The following CARD14 variants were observed in gnomAD, a reference collection of about 807,000 sequenced individuals.
CARD14 encodes the protein caspase recruitment domain-containing protein 14.
A neutral mutation model predicts 111.5 loss-of-function variants in CARD14; 107 were observed. The ratio of observed to expected loss-of-function variants is 0.96; its 90% CI spans 0.82 to 1.13. The LOEUF (loss-of-function observed/expected upper bound fraction) is 1.13, where lower values mean the gene tolerates loss of function less well. CARD14 is among the 50% of genes most tolerant of loss of function. CARD14 has a pLI of 0.00. For synonymous variants in CARD14, 617 were observed against 579.6 expected, an observed-to-expected ratio of 1.06 and a Z score of -0.93; for missense variants, 1,322 against 1,362.3, an observed-to-expected ratio of 0.97 and a Z score of 0.47.
Position 80,206,723 on chromosome 17 carries a change from C to T in CARD14, c.2692-247C>T, listed in dbSNP as rs549712569. ...CAGAGCTTGCAGTGAGCCGAGATCG[C>T]GCCACTGCACTCCAGCCTGGGCGAC... On this transcript the variant is annotated intron_variant, in intron 22 of 23. Transcript: ENST00000648509. 1.2e-4 allele frequency: 26 copies of T among 221,638 alleles called. No individual in the cohort carries two copies. In the South Asian group the frequency reaches 2.3e-3, roughly 19 times the overall value. 13.7% of individuals were successfully genotyped at this position (221,638 alleles called of 1,614,324 possible). A position where few individuals can be genotyped will look rare whatever the true frequency, so the allele number is the denominator to read the frequency against.
At chr17:80,179,530 C>T (rs913881271) in intron 4 of CARD14, among the ~76,000 whole-genome samples, 17 of 152,198 alleles carry the variant, frequency 1.1e-4, no homozygotes, top group African/African-American at 4.1e-4. Context: ...TACACACTTC[C>T]ATTTGTAGGA....
At position 80,201,690 on chromosome 17, in the gene CARD14, G is replaced by A. The variant is rs2040983239; in HGVS notation, c.1852-54G>A. ...GTGCCCTCAGCGCCTTCTGTCTTCT[G>A]GCTGGATTCAGAGTCCCGGGGGAAA... On this transcript the variant is annotated intron_variant, in intron 16 of 23. Coordinates refer to ENST00000648509, the MANE Select transcript of CARD14 (RefSeq NM_001366385.1). This position sits in a 1 kb window ranked among gnomAD's most constrained non-coding sequence, Gnocchi z 5.0. The A allele has an allele frequency of 1.9e-6, 3 of 1,608,570 alleles. No homozygotes were observed. Among genetic ancestry groups the A allele is most frequent in the Middle Eastern group, 3.3e-4 (2 of 6,052 alleles).
chr17:80,182,718 A>T lies in CARD14; in HGVS notation c.277A>T (p.Lys93Ter), dbSNP rs778027398. 1 of 1,613,888 alleles carries T rather than the reference A, an allele frequency of 6.2e-7. No individual in the cohort carries two copies. The highest frequency in any genetic ancestry group is 1.3e-5 in the African/African-American group (1 of 74,870). Residue 93 changes from lysine (K) to a stop codon, truncating the protein, a stop_gained, in exon 6 of 24, where the codon AAG becomes TAG. Coordinates refer to ENST00000648509, the MANE Select transcript of CARD14 (RefSeq NM_001366385.1). LOFTEE classifies it high-confidence loss of function. The surrounding 1 kb of genome is among the most constrained non-coding windows in gnomAD (Gnocchi z 4.7). Reference sequence around the variant, plus strand: ...GGCCATCGCCTTCCTGGAGAGCCTGAAGTTCCACAACCCTGACGTCTACAC... The same window carrying T: ...GGCCATCGCCTTCCTGGAGAGCCTGTAGTTCCACAACCCTGACGTCTACAC... ...NGAIAFLESLKFHNPDVYTLV... is the reference protein window; with the variant it reads ...NGAIAFLESL
chr17:80,204,755 C>T (rs1252452629), intron 20 of CARD14: 6 of 438,602 alleles, frequency 1.4e-5, no homozygotes, highest in South Asian at 1.1e-4. Context: ...CCCTGGCTTC[C>T]GCCATCCTCC....
chr17:80,172,166 T>C (rs1309307689), intron 1 of CARD14, among the ~76,000 whole-genome samples: 3 of 152,230 alleles, frequency 2.0e-5, no homozygotes, highest in Non-Finnish European at 4.4e-5. Context: ...TTTTCAGTCA[T>C]TGGCTCTTTG....
rs369963587 is a variant in CARD14, at chr17:80,207,119, G to A, written c.2807+34G>A. 1.8e-4 allele frequency: 269 copies of A among 1,519,550 alleles called. No homozygotes were observed. In the East Asian group the frequency reaches 3.6e-3, roughly 20 times the overall value. The allele number at this position is 1,519,550 out of a possible 1,614,324, so 94.1% of individuals were successfully genotyped here. On this transcript the variant is annotated intron_variant, in intron 23 of 23. Coordinates refer to ENST00000648509, the MANE Select transcript of CARD14 (RefSeq NM_001366385.1). ...ACGCTGGGGGCTGGGCAGGGGCTTC[G>A]AAGCGGCTCCTGGGCTCCCCCAAAG...
At chr17:80,205,347 T>A in intron 21 of CARD14, 142 bp downstream of exon 21, 1 of 1,139,290 alleles carries the variant, frequency 8.8e-7, no homozygotes, top group Non-Finnish European at 1.2e-6. Context: ...TGTGTCCAGA[T>A]AGTTCAGGAT....
In CARD14 at chr17:80,208,315, G is replaced by C; in HGVS notation, c.2985G>C (p.Lys995Asn). ...VRQAIADEQK[K>N]VVWTEQSPR The stretch of plus-strand genomic sequence containing the variant: ...AGGCCATCGCCGACGAGCAGAAGAA[G>C]GTGGTGTGGACGGAGCAGAGCCCCC... The change falls in exon 24 of 24, where the codon AAG (lysine) becomes AAC (asparagine). Residue 995 changes from lysine to asparagine, a missense_variant. Coordinates refer to ENST00000648509, the MANE Select transcript of CARD14 (RefSeq NM_001366385.1). 4 of 1,605,982 alleles carry C rather than the reference G, an allele frequency of 2.5e-6. No individual in the cohort carries two copies. The highest frequency in any genetic ancestry group is 8.5e-7 in the Non-Finnish European group (1 of 1,177,310).
intron 11 of CARD14, 86 bp from the exon 12 acceptor site, chr17:80,192,417 G>A (rs1052370260): frequency 1.1e-6 from 1 of 903,844 alleles, no homozygotes; most frequent in Non-Finnish European, 1.8e-6. Context: ...GGGTGAAATG[G>A]GTGGTGCTGA....
chr17:80,199,082 T>C (rs2040835522), intron 16 of CARD14, among the ~76,000 whole-genome samples: 1 of 152,158 alleles, frequency 6.6e-6, no homozygotes, highest in Admixed American at 6.5e-5. Flanking sequence ...CTTAAGTAGC[T>C]GGGACCAGAC....
rs770649176 is a variant in CARD14 at position 80,192,483 on chromosome 17, G to A, written c.1240-20G>A. 4 of 1,601,562 alleles carry A rather than the reference G, an allele frequency of 2.5e-6. No homozygotes were observed. Among genetic ancestry groups the A allele is most frequent in the Admixed American group, 3.3e-5 (2 of 59,868 alleles). On this transcript the variant is annotated intron_variant, in intron 11 of 23. Transcript: ENST00000648509. ...GAACCTTTCCCGAATTAACCAGCCT[G>A]TCTGGCCTGTCTTTGGCAGCTCAAG...
rs763688150 is a variant in CARD14 at position 80,208,365 on chromosome 17, G to C, written c.*20G>C. On this transcript the variant is annotated 3_prime_UTR_variant, in exon 24 of 24. Coordinates refer to ENST00000648509, the MANE Select transcript of CARD14 (RefSeq NM_001366385.1). ...CGATGATGCACCGTGCCCCTTCCCG[G>C]GACTGTGGGGGCTTCTGTGTGCCTG... The C allele has an allele frequency of 6.4e-7, 1 of 1,555,380 alleles. No homozygotes were observed. Among genetic ancestry groups the C allele is most frequent in the Non-Finnish European group, 8.7e-7 (1 of 1,145,160 alleles).
intron 14 of CARD14, chr17:80,196,100 A>G (rs2018229): frequency 0.41 from 64,144 of 157,666 alleles, 13,286 homozygotes; most frequent in African/African-American, 0.47. Context: ...CTTCTCCTGT[A>G]GCTCATTTCT....
intron 11 of CARD14, 147 bp from the exon 12 acceptor site, chr17:80,192,356 C>G (rs932091148): frequency 1.6e-6 from 1 of 643,952 alleles, no homozygotes; most frequent in African/African-American, 1.8e-5. Context: ...GCTCGGAGGA[C>G]AGGGACACAA....
At position 80,189,131 on chromosome 17, in the gene CARD14, T is replaced by A. The variant is rs1488797810; in HGVS notation, c.843+587T>A. Among the ~76,000 whole-genome samples the A allele has an allele frequency of 6.6e-6, 1 of 151,988 alleles. No homozygotes were observed. Among genetic ancestry groups the A allele is most frequent in the Admixed American group, 6.6e-5 (1 of 15,252 alleles). ...TTACTGCAGCGACTGTGTTCTGGAG[T>A]GGACTTGGCCAATTGTAAAGCATGG... On this transcript the variant is annotated intron_variant, in intron 8 of 23. Transcript: ENST00000648509. The surrounding 1 kb of genome is among the most constrained non-coding windows in gnomAD (Gnocchi z 4.7).
In CARD14 at chr17:80,198,380, G is replaced by T. The variant is rs2040797495; in HGVS notation, c.1659-19G>T. 1 of 1,586,292 alleles carries T rather than the reference G, an allele frequency of 6.3e-7. No individual in the cohort carries two copies. The highest frequency in any genetic ancestry group is 1.3e-5 in the African/African-American group (1 of 74,736). Reference sequence around the variant, plus strand: ...CCTGCTCTGGGCAGTGCACAAGCCGGTCGTCTCCCGGCCTGCAGCGGCGTC... The same window carrying T: ...CCTGCTCTGGGCAGTGCACAAGCCGTTCGTCTCCCGGCCTGCAGCGGCGTC... On this transcript the variant is annotated intron_variant, in intron 15 of 23. Transcript: ENST00000648509. This position sits in a 1 kb window ranked among gnomAD's most constrained non-coding sequence, Gnocchi z 7.5.
intron 2 of CARD14, among the ~76,000 whole-genome samples, chr17:80,175,468 C>G (rs1016223312): frequency 6.6e-6 from 1 of 152,142 alleles, no homozygotes; most frequent in African/African-American, 2.4e-5. Context: ...TTTGACGTGA[C>G]AGAGCGACTG....
chr17:80,204,685 C>T, intron 20 of CARD14: 1 of 381,412 alleles, frequency 2.6e-6, no homozygotes, highest in Non-Finnish European at 4.7e-6. Flanking sequence ...GGACCCTGTG[C>T]CCTGGAGGAT....
chr17:80,191,828 C>A (rs1049271626), intron 11 of CARD14, among the ~76,000 whole-genome samples: 1 of 151,764 alleles, frequency 6.6e-6, no homozygotes, highest in Non-Finnish European at 1.5e-5. Context: ...AGTGTAGATG[C>A]TGTGTTCCTG....
Sources: gnomAD v4.1 joint callset for allele counts (sites outside exome capture counted in the v4.1 genomes callset) on GRCh38, gnomAD v4.1.1 for gene constraint, Gnocchi (gnomAD v3.1) non-coding constraint, MANE v1.5 for transcripts, NCBI Gene and HGNC (gene_info 2026-07-23, HGNC 2026-07-21) for gene names.